ANO6: variants seen among roughly 807,000 people sequenced by gnomAD.
ANO6 encodes the protein anoctamin 6.
Under a neutral mutation model 117.5 loss-of-function variants are expected in ANO6, and 106 were observed. That is an observed-to-expected ratio of 0.90 (90% confidence interval 0.77 to 1.06). The LOEUF is 1.06. Ranked by LOEUF, ANO6 falls within the 50% of genes least tolerant of loss-of-function variation. ANO6 has a pLI of 0.00. For synonymous variants in ANO6, 367 were observed against 385.1 expected (o/e 0.95, Z 0.55); for missense variants, 955 against 1,121.1 (o/e 0.85, Z 2.12).
intron 1 of ANO6, among the ~76,000 whole-genome samples, chr12:45,237,865 G>A (rs1947670863): frequency 6.6e-6 from 1 of 152,186 alleles, no homozygotes; most frequent in Non-Finnish European, 1.5e-5. Flanking sequence ...AGCATGGAAT[G>A]TTCTTCCATT....
At position 45,430,146 on chromosome 12, in the gene ANO6, G is replaced by A; in HGVS notation, c.*835G>A. The A allele has an allele frequency of 2.0e-6, 2 of 985,326 alleles. No homozygotes were observed. The highest frequency in any genetic ancestry group is 2.4e-6 in the Non-Finnish European group (2 of 829,838). 61.0% of individuals were successfully genotyped at this position (985,326 alleles called of 1,614,324 possible). On this transcript the variant is annotated 3_prime_UTR_variant, in exon 20 of 20. Coordinates refer to ENST00000320560, the MANE Select transcript of ANO6 (RefSeq NM_001025356.3). Reference sequence around the variant, plus strand: ...TGGATAATTAATCTTTTCTAAAGATGTGTAGTTTCTTGGAAAACAGTGATA... The same window carrying A: ...TGGATAATTAATCTTTTCTAAAGATATGTAGTTTCTTGGAAAACAGTGATA...
At chr12:45,366,920 CCT>C (rs1941699452) in intron 8 of ANO6, among the ~76,000 whole-genome samples, 1 of 151,698 alleles carries the variant, frequency 6.6e-6, no homozygotes, top group South Asian at 2.1e-4. Context: ...TTTTTGTATC[CCT>C]GTGTGTATTT....
intron 1 of ANO6, among the ~76,000 whole-genome samples, chr12:45,276,081 G>T (rs534442801): frequency 6.6e-6 from 1 of 152,214 alleles, no homozygotes; most frequent in South Asian, 2.1e-4. Context: ...TCTGCGCTCT[G>T]TGTCTTCACC....
intron 8 of ANO6, among the ~76,000 whole-genome samples, chr12:45,361,909 G>A (rs947276167): frequency 6.6e-6 from 1 of 152,014 alleles, no homozygotes; most frequent in Non-Finnish European, 1.5e-5. Context: ...GTATTTTATT[G>A]AAGATTTTTC....
rs1473799653 is a variant in ANO6 at position 45,332,659 on chromosome 12, CA to C, written c.279+1239del. ...GAGTGTTTATTGTTCACGTCAAGGT[CA>C]AATGTAGCATCCCTGTTTGGCACAT... is the stretch of plus-strand genomic sequence containing the variant. On this transcript the variant is annotated intron_variant, in intron 3 of 19. Coordinates refer to ENST00000320560, the MANE Select transcript of ANO6 (RefSeq NM_001025356.3). Among the ~76,000 whole-genome samples, 3 of 152,134 alleles carry C rather than the reference CA, an allele frequency of 2.0e-5. No homozygotes were observed. In the South Asian group the frequency reaches 6.2e-4, roughly 32 times the overall value.
intron 1 of ANO6, among the ~76,000 whole-genome samples, chr12:45,247,074 C>T (rs956549144): frequency 6.6e-6 from 1 of 152,096 alleles, no homozygotes; most frequent in African/African-American, 2.4e-5. Flanking sequence ...TACAGACGTT[C>T]GCCACCACGA....
intron 2 of ANO6, among the ~76,000 whole-genome samples, chr12:45,310,901 A>G (rs1483673336): frequency 1.3e-5 from 2 of 152,084 alleles, no homozygotes; most frequent in Non-Finnish European, 2.9e-5. Context: ...ACTAATCTCC[A>G]TATTCCAGAA....
intron 1 of ANO6, among the ~76,000 whole-genome samples, chr12:45,290,796 A>G (rs559577326): frequency 6.6e-6 from 1 of 152,358 alleles, no homozygotes; most frequent in East Asian, 1.9e-4. Flanking sequence ...AAGCAGATCC[A>G]CAATTTCATA....
intron 1 of ANO6, among the ~76,000 whole-genome samples, chr12:45,217,137 G>GA (rs1179960037): frequency 6.6e-6 from 1 of 151,922 alleles, no homozygotes; most frequent in Non-Finnish European, 1.5e-5. Flanking sequence ...AGCAAAAAAA[G>GA]AAAAAAAGGG....
chr12:45,386,543 G>A (rs1008317658), intron 10 of ANO6, among the ~76,000 whole-genome samples: 2 of 152,120 alleles, frequency 1.3e-5, no homozygotes, highest in African/African-American at 2.4e-5. Flanking sequence ...CCTTCTCAAC[G>A]TCCCTCAAGG....
intron 10 of ANO6, among the ~76,000 whole-genome samples, chr12:45,379,667 G>A (rs1366132891): frequency 6.6e-6 from 1 of 152,120 alleles, no homozygotes; most frequent in African/African-American, 2.4e-5. Context: ...GATGCTGATA[G>A]CCCCAATTAA....
chr12:45,424,332 T>TG (rs1943442031), intron 19 of ANO6, among the ~76,000 whole-genome samples: 1 of 111,558 alleles, frequency 9.0e-6, no homozygotes, highest in African/African-American at 3.4e-5. Context: ...GATGGGTTTT[T>TG]TTTTTTTTTT....
chr12:45,314,731 C>A (rs1421343966), intron 2 of ANO6, among the ~76,000 whole-genome samples: 1 of 151,914 alleles, frequency 6.6e-6, no homozygotes, highest in Admixed American at 6.6e-5. Context: ...GGAGAATGCC[C>A]ACACAGAAAT....
At chr12:45,261,526 C>A (rs1181516997) in intron 1 of ANO6, among the ~76,000 whole-genome samples, 1 of 152,230 alleles carries the variant, frequency 6.6e-6, no homozygotes, top group South Asian at 2.1e-4. Flanking sequence ...ACAACTGAGG[C>A]CAGGAACACT....
chr12:45,273,797 A>G (rs1938463235), intron 1 of ANO6, among the ~76,000 whole-genome samples: 1 of 152,150 alleles, frequency 6.6e-6, no homozygotes, highest in Non-Finnish European at 1.5e-5. Flanking sequence ...GAGGCTTGCC[A>G]TGGGGTGAGG....
intron 1 of ANO6, among the ~76,000 whole-genome samples, chr12:45,244,831 TGTTTAAA>T (rs1427596968): frequency 1.3e-5 from 2 of 152,216 alleles, no homozygotes; most frequent in Non-Finnish European, 2.9e-5. Flanking sequence ...AATGTGTGCG[TGTTTAAA>T]CATTTCTTGA....
intron 19 of ANO6, among the ~76,000 whole-genome samples, chr12:45,438,267 GTGTGTGTGTA>G (rs1565783370): frequency 6.6e-6 from 1 of 151,908 alleles, no homozygotes; most frequent in African/African-American, 2.4e-5. Flanking sequence ...GTGTGTGTGT[GTGTGTGTGTA>G]TGTATGTGTG....
chr12:45,418,317 C>T (rs1314298458), intron 17 of ANO6, among the ~76,000 whole-genome samples: 1 of 152,156 alleles, frequency 6.6e-6, no homozygotes, highest in Non-Finnish European at 1.5e-5. Context: ...AGTTGCAAAT[C>T]GCACACAAAA....
At chr12:45,274,701 C>G (rs150106420) in intron 1 of ANO6, among the ~76,000 whole-genome samples, 2 of 151,436 alleles carry the variant, frequency 1.3e-5, no homozygotes, top group Non-Finnish European at 2.9e-5. Flanking sequence ...CCTCTGCTAC[C>G]TCTCCATCCT....
Sources: allele counts gnomAD v4.1 joint callset (sites outside exome capture counted in the v4.1 genomes callset), GRCh38; gene constraint gnomAD v4.1.1; transcripts MANE v1.5; gene names NCBI Gene and HGNC (gene_info 2026-07-23, HGNC 2026-07-21).